The following UMAD1 variants were observed in gnomAD, a reference collection of about 807,000 sequenced individuals.
UMAD1 encodes UBAP1-MVB12-associated (UMA)-domain containing protein 1.
In UMAD1, 8 loss-of-function variants were observed where a neutral mutation model predicts 6.1. That is an observed-to-expected ratio of 1.30 (90% CI 0.76 to 2.35). UMAD1 has a LOEUF of 2.35. UMAD1 is among the 30% of genes most tolerant of loss of function. UMAD1 has a pLI of 0.00. For missense variants in UMAD1, 130 were observed against 78.4 expected (o/e 1.66, Z -2.49); for synonymous variants, 56 against 31.4 (o/e 1.78, Z -2.61).
chr7:7,755,327 A>T (rs1351000403), intron 2 of UMAD1, among the ~76,000 whole-genome samples: 1 of 152,228 alleles, frequency 6.6e-6, no homozygotes, highest in African/African-American at 2.4e-5. Context: ...TCACTGAAGT[A>T]ATATAAACCT....
chr7:7,649,177 A>AGAG (rs1451323660), intron 1 of UMAD1, among the ~76,000 whole-genome samples: 1 of 145,212 alleles, frequency 6.9e-6, no homozygotes, highest in Non-Finnish European at 1.5e-5. Flanking sequence ...AAAAAAAAAA[A>AGAG]AAGAAAAGAA....
chr7:7,664,862 A>T (rs576238608), intron 1 of UMAD1, among the ~76,000 whole-genome samples: 9 of 152,232 alleles, frequency 5.9e-5, no homozygotes, highest in African/African-American at 2.2e-4. Context: ...CTTGTTGTCT[A>T]AATTTTTATA....
At position 7,673,709 on chromosome 7, in the gene UMAD1, CCCT is replaced by C. The variant is rs1411066794; in HGVS notation, c.82+257_82+259del. Reference sequence around the variant, plus strand: ...TGTGTAAAATCACTTCTTTTTCCCCCCCTTTTTTTTTTTAACTGTGGAAAATCT... The same window carrying C: ...TGTGTAAAATCACTTCTTTTTCCCCCTTTTTTTTTTAACTGTGGAAAATCT... On this transcript the variant is annotated intron_variant, in intron 2 of 3. Transcript: ENST00000682710. 2.9e-4 allele frequency among the ~76,000 whole-genome samples: 39 copies of C among 134,400 alleles called. 1 individual carries two copies. The highest frequency in any genetic ancestry group is 3.5e-5 in the Non-Finnish European group (2 of 57,126). 88.2% of individuals were successfully genotyped at this position (134,400 alleles called of 152,430 possible). A position where few individuals can be genotyped will look rare whatever the true frequency, so the allele number is the denominator to read the frequency against.
intron 2 of UMAD1, among the ~76,000 whole-genome samples, chr7:7,731,241 C>T (rs148760150): frequency 6.6e-6 from 1 of 152,226 alleles, no homozygotes; most frequent in African/African-American, 2.4e-5. Flanking sequence ...ACCTCGTGAT[C>T]CACCTGCCTA....
chr7:7,681,584 A>G (rs1779913758), intron 2 of UMAD1, among the ~76,000 whole-genome samples: 1 of 152,172 alleles, frequency 6.6e-6, no homozygotes. Context: ...TAAGAAGGTA[A>G]TAGCTATTCC....
At chr7:7,645,848 G>A (rs1253461217) in intron 1 of UMAD1, among the ~76,000 whole-genome samples, 2 of 151,054 alleles carry the variant, frequency 1.3e-5, no homozygotes, top group African/African-American at 4.9e-5. Flanking sequence ...GTTCATGAGT[G>A]AGATTGGTCT....
chr7:7,775,493 A>G (rs890235424), intron 2 of UMAD1, among the ~76,000 whole-genome samples: 2 of 152,128 alleles, frequency 1.3e-5, no homozygotes, highest in African/African-American at 2.4e-5. Flanking sequence ...GCCTTCCGCC[A>G]TGATTGTAAG....
intron 2 of UMAD1, among the ~76,000 whole-genome samples, chr7:7,741,357 G>A (rs918704147): frequency 6.6e-6 from 1 of 151,824 alleles, no homozygotes; most frequent in Non-Finnish European, 1.5e-5. Flanking sequence ...GGATCACGAG[G>A]TCAGGAGATC....
intron 2 of UMAD1, chr7:7,689,570 A>G (rs561677870): frequency 3.3e-5 from 5 of 152,234 alleles, no homozygotes; most frequent in East Asian, 1.9e-4. Context: ...TTATAATGCT[A>G]TCTCCCTGGA....
chr7:7,789,179 T>C (rs1782515668), intron 2 of UMAD1, among the ~76,000 whole-genome samples: 1 of 152,224 alleles, frequency 6.6e-6, no homozygotes, highest in Non-Finnish European at 1.5e-5. Flanking sequence ...ATTTTTTTGC[T>C]GCAAGGCATA....
At chr7:7,678,221 C>T (rs1257138207) in intron 2 of UMAD1, among the ~76,000 whole-genome samples, 2 of 150,806 alleles carry the variant, frequency 1.3e-5, no homozygotes, top group Admixed American at 1.3e-4. Context: ...TATGAGGTCC[C>T]TTTTCTACAC....
At chr7:7,842,617 T>TA (rs60451147) in intron 3 of UMAD1, among the ~76,000 whole-genome samples, 6,410 of 145,752 alleles carry the variant, frequency 0.044, 281 homozygotes, top group East Asian at 0.21. Flanking sequence ...TACCTTTTTT[T>TA]AAAAAAAAAA....
chr7:7,687,698 C>T (rs1225619568), intron 2 of UMAD1, among the ~76,000 whole-genome samples: 1 of 152,182 alleles, frequency 6.6e-6, no homozygotes, highest in East Asian at 1.9e-4. Context: ...CTTCCTACAA[C>T]CGGTATTTCC....
intron 2 of UMAD1, among the ~76,000 whole-genome samples, chr7:7,791,701 G>T (rs1782570579): frequency 6.6e-6 from 1 of 152,188 alleles, no homozygotes; most frequent in Non-Finnish European, 1.5e-5. Flanking sequence ...AGTTAATTAA[G>T]AGCAGACCGG....
At chr7:7,704,558 A>G (rs1780547275) in intron 2 of UMAD1, among the ~76,000 whole-genome samples, 1 of 149,244 alleles carries the variant, frequency 6.7e-6, no homozygotes, top group South Asian at 2.1e-4. Flanking sequence ...GTTCAAGACT[A>G]GCCTGGCCAA....
At chr7:7,769,080 G>A (rs1379107387) in intron 2 of UMAD1, among the ~76,000 whole-genome samples, 1 of 152,130 alleles carries the variant, frequency 6.6e-6, no homozygotes, top group African/African-American at 2.4e-5. Context: ...AAGACCAGAT[G>A]TCCCTTTTCA....
At chr7:7,656,941 A>G (rs1785357942) in intron 1 of UMAD1, among the ~76,000 whole-genome samples, 1 of 152,190 alleles carries the variant, frequency 6.6e-6, no homozygotes, top group African/African-American at 2.4e-5. Flanking sequence ...ACAGTGTTAA[A>G]AGCCTTCCTA....
At chr7:7,797,603 C>A (rs1031471264) in intron 2 of UMAD1, among the ~76,000 whole-genome samples, 1 of 152,182 alleles carries the variant, frequency 6.6e-6, no homozygotes, top group African/African-American at 2.4e-5. Flanking sequence ...CTCCCCTCAA[C>A]CATCCTCACC....
intron 2 of UMAD1, among the ~76,000 whole-genome samples, chr7:7,746,691 C>T (rs1480260706): frequency 6.6e-6 from 1 of 152,248 alleles, no homozygotes; most frequent in Non-Finnish European, 1.5e-5. Context: ...CAAATAGCAG[C>T]AACTGAAATT....
Sources: gnomAD v4.1 joint callset for allele counts (sites outside exome capture counted in the v4.1 genomes callset) on GRCh38, gnomAD v4.1.1 for gene constraint, MANE v1.5 for transcripts, NCBI Gene and HGNC (gene_info 2026-07-23, HGNC 2026-07-21) for gene names.